IQANK1: variants seen among roughly 807,000 people sequenced by gnomAD.
IQANK1 encodes IQ motif and ankyrin repeat domain-containing protein 1.
Under a neutral mutation model 22.6 loss-of-function variants are expected in IQANK1, and 30 were observed. That is an observed-to-expected ratio of 1.33 (90% CI 0.99 to 1.80). The LOEUF (loss-of-function observed/expected upper bound fraction) is 1.80. IQANK1 is among the 40% of genes most tolerant of loss of function. The pLI is 0.00. For missense variants in IQANK1, 275 were observed against 235.2 expected, an observed-to-expected ratio of 1.17 and a Z score of -1.11; for synonymous variants, 122 against 99.6, an observed-to-expected ratio of 1.23 and a Z score of -1.34.
chr8:143,789,696 G>A, intron 10 of IQANK1, 65 bp from the exon 11 acceptor site: 1 of 1,220,122 alleles, frequency 8.2e-7, no homozygotes, highest in South Asian at 4.2e-5. Context: ...GGAAGCTCGG[G>A]CAGCTGCCCT....
intron 3 of IQANK1, chr8:143,742,268 T>A (rs1563768033): frequency 2.4e-6 from 1 of 419,380 alleles, no homozygotes; most frequent in Non-Finnish European, 4.9e-6. Context: ...CAAGTGACTC[T>A]TCCCACCCAC....
intron 2 of IQANK1, among the ~76,000 whole-genome samples, chr8:143,737,222 G>A (rs1002917644): frequency 6.6e-6 from 1 of 152,232 alleles, no homozygotes; most frequent in African/African-American, 2.4e-5. Flanking sequence ...CAGGGCAGGT[G>A]GACCAGCAAG....
At chr8:143,765,356 CA>C (rs576776825) in intron 3 of IQANK1, among the ~76,000 whole-genome samples, 182 of 142,164 alleles carry the variant, frequency 1.3e-3, no homozygotes, top group South Asian at 5.5e-3. Flanking sequence ...GACCTTGTCT[CA>C]AAAAAAAAAA....
intron 3 of IQANK1, among the ~76,000 whole-genome samples, chr8:143,770,327 T>A (rs1340169068): frequency 1.3e-5 from 2 of 152,248 alleles, no homozygotes; most frequent in African/African-American, 4.8e-5. Context: ...TTGCTTGCAT[T>A]GTCAGTCTCT....
At position 143,771,765 on chromosome 8, in the gene IQANK1, G is replaced by A. The variant is rs1410335313; in HGVS notation, c.307-36G>A. On this transcript the variant is annotated intron_variant, in intron 4 of 13. Transcript: ENST00000527139. The surrounding 1 kb of genome is among the most constrained non-coding windows in gnomAD (Gnocchi z 6.0). ...TGGCCTCGGGGCTCGGGGCGGTGGC[G>A]CGGAGTGGGCGGTGACTTCGGCGGG... is the stretch of plus-strand genomic sequence containing the variant. 34 of 397,274 alleles carry A rather than the reference G, an allele frequency of 8.6e-5. No individual in the cohort carries two copies. Among genetic ancestry groups the A allele is most frequent in the Non-Finnish European group, 1.4e-4 (31 of 225,518 alleles). 24.6% of individuals were successfully genotyped at this position (397,274 alleles called of 1,614,324 possible).
At chr8:143,740,459 G>T (rs1365790655) in intron 3 of IQANK1, among the ~76,000 whole-genome samples, 2 of 152,200 alleles carry the variant, frequency 1.3e-5, no homozygotes, top group South Asian at 4.1e-4. Flanking sequence ...GCTCAGCAGC[G>T]CCTCCCAACG....
chr8:143,776,024 C>G (rs1029041208), intron 7 of IQANK1, among the ~76,000 whole-genome samples: 1 of 144,642 alleles, frequency 6.9e-6, no homozygotes, highest in Non-Finnish European at 1.5e-5. Flanking sequence ...CGGTGGCTCA[C>G]GCCTGTAATC....
At chr8:143,770,941 G>A (rs1048225652) in intron 3 of IQANK1, among the ~76,000 whole-genome samples, 20 of 152,226 alleles carry the variant, frequency 1.3e-4, no homozygotes, top group African/African-American at 4.8e-4. Context: ...ACTGCGAGGC[G>A]GCTCCAGGCT....
intron 3 of IQANK1, among the ~76,000 whole-genome samples, chr8:143,748,601 CATATATAATATATAA>C (rs1819084438): frequency 8.6e-6 from 1 of 115,862 alleles, no homozygotes; most frequent in Non-Finnish European, 1.7e-5. Flanking sequence ...TGATATATAT[CATATATAATATATAA>C]ATATATAATA....
chr8:143,757,527 G>C (rs1819316152), intron 3 of IQANK1, among the ~76,000 whole-genome samples: 1 of 152,016 alleles, frequency 6.6e-6, no homozygotes, highest in Non-Finnish European at 1.5e-5. Flanking sequence ...TAGTAGAGAA[G>C]GGGTTTTCAC....
chr8:143,754,422 C>T (rs1442443697), intron 3 of IQANK1, among the ~76,000 whole-genome samples: 2 of 152,130 alleles, frequency 1.3e-5, no homozygotes, highest in African/African-American at 2.4e-5. Context: ...TCTCAAGGAT[C>T]GACTGGGGAA....
intron 7 of IQANK1, among the ~76,000 whole-genome samples, chr8:143,775,585 C>G (rs1587489626): frequency 6.6e-6 from 1 of 151,786 alleles, no homozygotes; most frequent in South Asian, 2.1e-4. Context: ...ATGGTGAAAC[C>G]CCATCTCTAC....
intron 2 of IQANK1, 126 bp from the exon 3 acceptor site, chr8:143,739,733 G>C: frequency 1.7e-6 from 1 of 577,598 alleles, no homozygotes; most frequent in Non-Finnish European, 3.1e-6. Flanking sequence ...CTCGGGAGGA[G>C]GCCCGGGTGG....
At chr8:143,745,327 C>G (rs923976434) in intron 3 of IQANK1, 7 of 152,258 alleles carry the variant, frequency 4.6e-5, no homozygotes, top group African/African-American at 1.7e-4. Flanking sequence ...TCAGGGCAAT[C>G]AGTTTCCTGG....
chr8:143,785,968 G>A (rs1819879774), intron 7 of IQANK1, among the ~76,000 whole-genome samples: 2 of 152,074 alleles, frequency 1.3e-5, no homozygotes, highest in African/African-American at 4.8e-5. Context: ...CTTGTGATCT[G>A]CCTGCCTCAG....
At chr8:143,751,664 G>GTGTGTGTGTATATATATATATA (rs370428606) in intron 3 of IQANK1, among the ~76,000 whole-genome samples, 2 of 61,550 alleles carry the variant, frequency 3.2e-5, no homozygotes, top group Non-Finnish European at 7.3e-5. Context: ...GTGTGTGTGT[G>GTGTGTGTGTATATATATATATA]TATATATATA....
At chr8:143,783,011 T>C (rs782472400) in intron 7 of IQANK1, among the ~76,000 whole-genome samples, 1 of 152,248 alleles carries the variant, frequency 6.6e-6, no homozygotes, top group Non-Finnish European at 1.5e-5. Context: ...TAGCTAAAGT[T>C]CATTTACTTT....
chr8:143,775,787 T>TACACACACACACACACACACACACAC (rs35665050), intron 7 of IQANK1, among the ~76,000 whole-genome samples: 13 of 129,506 alleles, frequency 1.0e-4, no homozygotes, highest in African/African-American at 3.5e-4. Context: ...ATAGCTGTAT[T>TACACACACACACACACACACACACAC]ACACACACAC....
chr8:143,749,571 C>CATATATATCAATGATAT (rs1563770949), intron 3 of IQANK1, among the ~76,000 whole-genome samples: 56 of 118,204 alleles, frequency 4.7e-4, no homozygotes, highest in African/African-American at 1.2e-3. Context: ...ATATATCAAT[C>CATATATATCAATGATAT]ATATATATAT....
Sources: gnomAD v4.1 joint callset for allele counts (sites outside exome capture counted in the v4.1 genomes callset) on GRCh38, gnomAD v4.1.1 for gene constraint, Gnocchi (gnomAD v3.1) non-coding constraint, MANE v1.5 for transcripts, NCBI Gene and HGNC (gene_info 2026-07-23, HGNC 2026-07-21) for gene names.